Variants in SERPINA5 observed in about 807,000 individuals in gnomAD.
SERPINA5 encodes the protein serpin family A member 5.
Under a neutral mutation model 25.3 loss-of-function variants are expected in SERPINA5, and 25 were observed. The observed-to-expected ratio is 0.99, with a 90% CI of 0.72 to 1.38. The LOEUF is 1.38. SERPINA5 is among the 40% of genes most tolerant of loss of function. The pLI is 0.00. For synonymous variants in SERPINA5, 234 were observed against 206.2 expected, an observed-to-expected ratio of 1.14 and a Z score of -1.16; for missense variants, 599 against 509.5, an observed-to-expected ratio of 1.18 and a Z score of -1.69.
In SERPINA5 at chr14:94,590,862, G is replaced by A; in HGVS notation, c.1004G>A (p.Gly335Asp). 1 of 1,612,988 alleles carries A rather than the reference G, an allele frequency of 6.2e-7. No individual in the cohort carries two copies. The highest frequency in any genetic ancestry group is 8.5e-7 in the Non-Finnish European group (1 of 1,179,364). The change falls in exon 5 of 6, where the codon GGC becomes GAC. Residue 335 changes from glycine to aspartate, a missense_variant. Physicochemically the swap from Gly to Asp is moderately conservative, Grantham distance 94 (BLOSUM62 -1). Coordinates refer to ENST00000329597, the MANE Select transcript of SERPINA5 (RefSeq NM_000624.6). Reference sequence around the variant, plus strand: ...TTCACCTCCCATGCTGATCTGTCCGGCATCAGCAACCACTCAAATATCCAG... The same window carrying A: ...TTCACCTCCCATGCTGATCTGTCCGACATCAGCAACCACTCAAATATCCAG... ...NVFTSHADLS[G>D]ISNHSNIQVS...
chr14:94,583,383 A>T (rs1884976349), intron 2 of SERPINA5, among the ~76,000 whole-genome samples: 1 of 152,210 alleles, frequency 6.6e-6, no homozygotes. Context: ...GATAGAACGG[A>T]CAAGCTTTGC....
intron 2 of SERPINA5, chr14:94,587,079 A>G: frequency 2.5e-6 from 1 of 402,246 alleles, no homozygotes; most frequent in Non-Finnish European, 4.5e-6. Context: ...GTGGATGGGT[A>G]GACAGGATTC....
At chr14:94,584,675 C>T (rs1595076631) in intron 2 of SERPINA5, among the ~76,000 whole-genome samples, 2 of 152,096 alleles carry the variant, frequency 1.3e-5, no homozygotes, top group South Asian at 4.2e-4. Context: ...AGAATGGAGG[C>T]CAGGGCCTCA....
chr14:94,592,009 C>T (rs1885318863), intron 5 of SERPINA5, 48 bp from the exon 6 acceptor site: 2 of 1,576,702 alleles, frequency 1.3e-6, no homozygotes, highest in South Asian at 2.4e-5. Context: ...GCTATGATGA[C>T]TTCACCTGCC....
At chr14:94,591,421 A>C in intron 5 of SERPINA5, among the ~76,000 whole-genome samples, 1 of 142,602 alleles carries the variant, frequency 7.0e-6, no homozygotes, top group Non-Finnish European at 1.5e-5. Flanking sequence ...ATTCCATTCT[A>C]CTCTATTCTA....
chr14:94,587,491 C>A lies in SERPINA5; in HGVS notation c.129C>A (p.Ser43Arg), dbSNP rs762716077. 6 of 1,614,190 alleles carry A rather than the reference C, an allele frequency of 3.7e-6. No individual in the cohort carries two copies. Among genetic ancestry groups the A allele is most frequent in the Non-Finnish European group, 5.1e-6 (6 of 1,180,030 alleles). ...DLHVGATVAP[S>R]SRRDFTFDLY... ...ATGTAGGTGCCACGGTGGCCCCCAG[C>A]AGCAGAAGGGACTTTACCTTTGACC... The change falls in exon 3 of 6, where the codon AGC becomes AGA. Residue 43 changes from serine to arginine, a missense_variant. Ser to Arg is a moderately radical substitution (Grantham distance 110). Transcript: ENST00000329597.
chr14:94,582,550 C>T (rs985413955), intron 2 of SERPINA5, among the ~76,000 whole-genome samples: 4 of 152,184 alleles, frequency 2.6e-5, no homozygotes, highest in Non-Finnish European at 5.9e-5. Context: ...AAGTGAGCTC[C>T]GGGGCGGGGA....
chr14:94,589,825 T>C (rs184069436), intron 3 of SERPINA5, among the ~76,000 whole-genome samples: 97 of 152,270 alleles, frequency 6.4e-4, no homozygotes, highest in Admixed American at 5.0e-3. Flanking sequence ...TTTGCAAATG[T>C]GGAAGGAAAA....
chr14:94,592,019 C>T, intron 5 of SERPINA5, 38 bp from the exon 6 acceptor site: 1 of 1,589,336 alleles, frequency 6.3e-7, no homozygotes, highest in Non-Finnish European at 8.6e-7. Flanking sequence ...CTTCACCTGC[C>T]CCTAGTGGCC....
At chr14:94,590,485 G>A (rs1885244230) in intron 4 of SERPINA5, 174 bp downstream of exon 4, 3 of 929,684 alleles carry the variant, frequency 3.2e-6, no homozygotes, top group East Asian at 5.4e-5. Context: ...CCAGTTGGAG[G>A]GACAAGAGCT....
chr14:94,587,996 C>T lies in SERPINA5; in HGVS notation c.619+15C>T, dbSNP rs753225417. The T allele has an allele frequency of 3.7e-6, 6 of 1,601,886 alleles. No homozygotes were observed. In the African/African-American group the frequency reaches 8.1e-5, roughly 22 times the overall value. ...CTTCTTTAAAGGTAAGGCCCTTGGG[C>T]CCAAACCTGCACTTTCTTTGGCTTT... On this transcript the variant is annotated intron_variant, in intron 3 of 5. Coordinates refer to ENST00000329597, the MANE Select transcript of SERPINA5 (RefSeq NM_000624.6).
chr14:94,583,172 G>T (rs12589526), intron 2 of SERPINA5, among the ~76,000 whole-genome samples: 44,945 of 152,166 alleles, frequency 0.3, 6,909 homozygotes, highest in South Asian at 0.34. Flanking sequence ...AAACACAGGA[G>T]TTGGCCATGA....
At chr14:94,591,006 A>ACTCCC in intron 5 of SERPINA5, 110 bp downstream of exon 5, 1 of 977,502 alleles carries the variant, frequency 1.0e-6, no homozygotes, top group East Asian at 2.7e-5. Context: ...ACTCCACTCC[A>ACTCCC]CTCCACTCCA....
chr14:94,584,084 A>G (rs1264195100), intron 2 of SERPINA5, among the ~76,000 whole-genome samples: 1 of 152,204 alleles, frequency 6.6e-6, no homozygotes, highest in Non-Finnish European at 1.5e-5. Flanking sequence ...GAGCTAATAC[A>G]GGTGAACCGC....
At chr14:94,590,653 C>G in intron 4 of SERPINA5, 96 bp from the exon 5 acceptor site, 4 of 1,394,486 alleles carry the variant, frequency 2.9e-6, no homozygotes, top group Non-Finnish European at 3.9e-6. Context: ...TTAAAACCAT[C>G]AAAACTAAGA....
In SERPINA5 at chr14:94,587,355, C is replaced by T; in HGVS notation, c.-8C>T. On this transcript the variant is annotated 5_prime_UTR_variant, in exon 3 of 6. Coordinates refer to ENST00000329597, the MANE Select transcript of SERPINA5 (RefSeq NM_000624.6). The stretch of plus-strand genomic sequence containing the variant: ...CTTCTTTCCCTTTCAGAACAAAGAA[C>T]AGCCACCATGCAGCTCTTCCTCCTC... 1 of 1,593,584 alleles carries T rather than the reference C, an allele frequency of 6.3e-7. No homozygotes were observed. The highest frequency in any genetic ancestry group is 8.5e-7 in the Non-Finnish European group (1 of 1,171,974).
Position 94,588,434 on chromosome 14 carries a change from GC to G in SERPINA5, c.619+454del, listed in dbSNP as rs916838440. 3.1e-4 allele frequency among the ~76,000 whole-genome samples: 47 copies of G among 152,220 alleles called. 1 individual carries two copies. The highest frequency in any genetic ancestry group is 1.1e-3 in the African/African-American group (47 of 41,542). ...GAGGCCAAGACTCCCTCAGACAAAT[GC>G]TTGTTCCTCTGAAATGCCTCCTCCT... is the stretch of plus-strand genomic sequence containing the variant. On this transcript the variant is annotated intron_variant, in intron 3 of 5. Coordinates refer to ENST00000329597, the MANE Select transcript of SERPINA5 (RefSeq NM_000624.6).
intron 5 of SERPINA5, 73 bp downstream of exon 5, chr14:94,590,969 C>T: frequency 3.5e-6 from 5 of 1,423,800 alleles, no homozygotes; most frequent in Non-Finnish European, 4.8e-6. Context: ...CTACTCTACC[C>T]CATTTCATTC....
intron 2 of SERPINA5, among the ~76,000 whole-genome samples, chr14:94,585,461 A>G (rs1276597261): frequency 2.0e-5 from 3 of 152,160 alleles, no homozygotes; most frequent in South Asian, 4.1e-4. Context: ...CTGCAGTCCA[A>G]GCCTGCCCAA....
Sources: allele counts gnomAD v4.1 joint callset (sites outside exome capture counted in the v4.1 genomes callset), GRCh38; gene constraint gnomAD v4.1.1; transcripts MANE v1.5; gene names NCBI Gene and HGNC (gene_info 2026-07-23, HGNC 2026-07-21).